MTMR1: variants seen among roughly 807,000 people sequenced by gnomAD.
The protein encoded by MTMR1 is phosphatidylinositol-3-phosphate phosphatase MTMR1.
Under a neutral mutation model 51.6 loss-of-function variants are expected in MTMR1, and 17 were observed. The ratio of observed to expected loss-of-function variants is 0.33; its 90% CI spans 0.23 to 0.49. MTMR1 has a LOEUF of 0.49. MTMR1 is among the 20% of genes least tolerant of loss of function. MTMR1 has a pLI of 0.99. For synonymous variants in MTMR1, 201 were observed against 205.6 expected, an observed-to-expected ratio of 0.98 and a Z score of 0.19; for missense variants, 386 against 526.9, an observed-to-expected ratio of 0.73 and a Z score of 2.62.
chrX:150,752,820 TTG>T (rs2042791627), intron 14 of MTMR1, among the ~76,000 whole-genome samples: 3 of 110,984 alleles, frequency 2.7e-5, no homozygotes, highest in African/African-American at 9.8e-5. Context: ...TTTCTATTTT[TTG>T]TAGCGATTGG....
chrX:150,718,607 T>TGCCAGGCTG lies in MTMR1; in HGVS notation c.277-18_277-17insGCCAGGCTG. ...TCCTTTTTTTTTTTTTTTTTTTTTT[T>TGCCAGGCTG]TTTTTTTTTTTTGCCAGGCTCTAAG... On this transcript the variant is annotated splice_polypyrimidine_tract_variant and intron_variant, in intron 3 of 15. Transcript: ENST00000445323. The TGCCAGGCTG allele has an allele frequency of 1.1e-6, 1 of 916,019 alleles. No homozygotes were observed. The highest frequency in any genetic ancestry group is 1.4e-6 in the Non-Finnish European group (1 of 719,632). 75.5% of individuals were successfully genotyped at this position (916,019 alleles called of 1,213,427 possible). A position where few individuals can be genotyped will look rare whatever the true frequency, so the allele number is the denominator to read the frequency against.
chrX:150,699,460 G>A (rs1170417468), intron 2 of MTMR1, among the ~76,000 whole-genome samples, 160 bp downstream of exon 2: 1 of 112,554 alleles, frequency 8.9e-6, no homozygotes, highest in Non-Finnish European at 1.9e-5. Context: ...AAATGTAGAA[G>A]AGAAATTTTA....
At chrX:150,707,694 C>T (rs185811946) in intron 2 of MTMR1, among the ~76,000 whole-genome samples, 139 of 112,164 alleles carry the variant, frequency 1.2e-3, no homozygotes, top group African/African-American at 4.2e-3. Context: ...GTGCACCTGC[C>T]ATATGACCAA....
At chrX:150,693,298 G>GCGACAGCCGCCGCCA (rs1557415614), upstream of MTMR1, 1 of 215,595 alleles carries the variant, frequency 4.6e-6, no homozygotes, top group African/African-American at 3.0e-5. Context: ...CGAGGTGGGG[G>GCGACAGCCGCCGCCA]TTCCCGGCGC....
rs1323412001 is a variant in MTMR1 at position 150,750,807 on chromosome X, C to T, written c.1644C>T (p.Thr548=). The T allele has an allele frequency of 1.7e-6, 2 of 1,204,951 alleles. No individual in the cohort carries two copies. The highest frequency in any genetic ancestry group is 2.2e-6 in the Non-Finnish European group (2 of 891,297). The change falls in exon 14 of 16, where the codon ACC becomes ACT. Residue 548 remains threonine, a synonymous_variant. Transcript: ENST00000445323. ...LDHLYSCLFG[T]FLCNCEQQRF... ...ACCTTTATAGCTGTCTTTTTGGGAC[C>T]TTTTTGTGCAACTGTGAACAGCAGC...
At chrX:150,728,332 T>C (rs781786021) in intron 6 of MTMR1, among the ~76,000 whole-genome samples, 129 of 112,379 alleles carry the variant, frequency 1.1e-3, no homozygotes, top group Non-Finnish European at 2.0e-3. Flanking sequence ...TAGGAAGGGC[T>C]GACTGTATTT....
In MTMR1 at chrX:150,765,070, G is replaced by A. The variant is rs1239713515; in HGVS notation, c.*2341G>A. 1 of 109,340 alleles carries A rather than the reference G, an allele frequency of 9.1e-6. No homozygotes were observed. Among genetic ancestry groups the A allele is most frequent in the African/African-American group, 3.3e-5 (1 of 30,501 alleles). The allele number at this position is 109,340 out of a possible 1,213,427, so 9.0% of individuals were successfully genotyped here. A position where few individuals can be genotyped will look rare whatever the true frequency, so the allele number is the denominator to read the frequency against. On this transcript the variant is annotated 3_prime_UTR_variant, in exon 16 of 16. Coordinates refer to ENST00000445323, the MANE Select transcript of MTMR1 (RefSeq NM_001306144.3). ...GATGATGTAAAGTAACTAACTTTAT[G>A]TGATTTAATTCATTCAGTAAATTGT...
intron 2 of MTMR1, among the ~76,000 whole-genome samples, chrX:150,709,898 A>G (rs1212949154): frequency 3.6e-5 from 4 of 112,605 alleles, no homozygotes; most frequent in African/African-American, 1.3e-4. Flanking sequence ...ACAACGTCCA[A>G]ACTATATCAG....
At chrX:150,758,952 C>T (rs782258352) in intron 15 of MTMR1, among the ~76,000 whole-genome samples, 81 of 112,475 alleles carry the variant, frequency 7.2e-4, no homozygotes, top group Non-Finnish European at 1.1e-3. Context: ...AGTTTGAAGG[C>T]GAGCTGTCTT....
At chrX:150,736,860 G>A in intron 11 of MTMR1, 80 bp downstream of exon 11, 2 of 954,249 alleles carry the variant, frequency 2.1e-6, no homozygotes, top group African/African-American at 1.9e-5. Flanking sequence ...ATCTCCAAGT[G>A]CCTCTTGGCT....
intron 1 of MTMR1, among the ~76,000 whole-genome samples, chrX:150,697,097 T>G (rs2040705037): frequency 8.9e-6 from 1 of 111,956 alleles, no homozygotes; most frequent in Non-Finnish European, 1.9e-5. Flanking sequence ...AACTGGTGGG[T>G]GCTGACAGAA....
chrX:150,712,479 T>C (rs1445924843), intron 3 of MTMR1, 114 bp downstream of exon 3: 4 of 698,239 alleles, frequency 5.7e-6, no homozygotes, highest in Non-Finnish European at 8.5e-6. Context: ...TATGAATCAC[T>C]CAGATCAATT....
chrX:150,717,223 G>A (rs2041557510), intron 3 of MTMR1, among the ~76,000 whole-genome samples: 1 of 109,044 alleles, frequency 9.2e-6, no homozygotes, highest in African/African-American at 3.3e-5. Flanking sequence ...GCCGGGCGTG[G>A]TGGTGTGCGC....
Position 150,705,149 on chromosome X carries a change from G to A in MTMR1, c.252+5849G>A, listed in dbSNP as rs138679184. On this transcript the variant is annotated intron_variant, in intron 2 of 15. Coordinates refer to ENST00000445323, the MANE Select transcript of MTMR1 (RefSeq NM_001306144.3). ...TAGAGAGGACAGACAAAAAGAATCTGTGAACTTGAAAATTGAACAATAGGA... is the reference window on the plus strand; with the variant it reads ...TAGAGAGGACAGACAAAAAGAATCTATGAACTTGAAAATTGAACAATAGGA... Among the ~76,000 whole-genome samples the A allele has an allele frequency of 5.8e-3, 651 of 112,376 alleles. 7 individuals are homozygous for A. Among genetic ancestry groups the A allele is most frequent in the Non-Finnish European group, 8.8e-3 (471 of 53,231 alleles).
intron 6 of MTMR1, among the ~76,000 whole-genome samples, chrX:150,728,849 T>G (rs1603253982): frequency 9.1e-6 from 1 of 109,480 alleles, no homozygotes; most frequent in East Asian, 2.9e-4. Context: ...GGTCCTAGAC[T>G]GCGTTCAAAA....
At chrX:150,735,988 G>A (rs2042257629) in intron 10 of MTMR1, 1 of 115,628 alleles carries the variant, frequency 8.6e-6, no homozygotes, top group African/African-American at 3.2e-5. Context: ...CATCTTCCAG[G>A]TCCATGTCTC....
chrX:150,735,690 A>T, intron 10 of MTMR1: 1 of 347,906 alleles, frequency 2.9e-6, no homozygotes, highest in East Asian at 4.5e-5. Context: ...AATTGTATAT[A>T]TTTATGGTGT....
chrX:150,732,411 G>C (rs1340195763), intron 9 of MTMR1, 131 bp from the exon 10 acceptor site: 2 of 545,902 alleles, frequency 3.7e-6, no homozygotes, highest in Non-Finnish European at 5.7e-6. Flanking sequence ...TGATTGGCCT[G>C]CCCACTCTCA....
At chrX:150,752,532 C>T (rs1259742061) in intron 14 of MTMR1, among the ~76,000 whole-genome samples, 4 of 109,716 alleles carry the variant, frequency 3.6e-5, no homozygotes, top group East Asian at 2.8e-4. Flanking sequence ...TTTTGTGTTA[C>T]GTGAATTATA....
Sources: gnomAD v4.1 joint callset for allele counts (sites outside exome capture counted in the v4.1 genomes callset) on GRCh38, gnomAD v4.1.1 for gene constraint, MANE v1.5 for transcripts, NCBI Gene and HGNC (gene_info 2026-07-23, HGNC 2026-07-21) for gene names.